The following RP1 variants were observed in gnomAD, a reference collection of about 807,000 sequenced individuals.
RP1 encodes the protein RP1 axonemal microtubule associated, also known as oxygen-regulated protein 1.
A neutral mutation model predicts 14.8 loss-of-function variants in RP1; 16 were observed. The ratio of observed to expected loss-of-function variants is 1.08; its 90% CI spans 0.73 to 1.65. RP1 has a LOEUF of 1.65. RP1 is among the 40% of genes most tolerant of loss of function. The pLI, the probability that RP1 is intolerant of heterozygous loss-of-function variation, is 0.00. For synonymous variants in RP1, 876 were observed against 883.6 expected, an observed-to-expected ratio of 0.99 and a Z score of 0.15; for missense variants, 2,631 against 2,535.0, an observed-to-expected ratio of 1.04 and a Z score of -0.81.
rs112901902 is a variant in RP1 at position 54,777,525 on chromosome 8, G to A, written c.3452-6022G>A. Among the ~76,000 whole-genome samples the A allele has an allele frequency of 8.5e-5, 13 of 152,058 alleles. No homozygotes were observed. In the South Asian group the frequency reaches 1.0e-3, roughly 12 times the overall value. On this transcript the variant is annotated intron_variant, in intron 23 of 28. Coordinates refer to the RP1 transcript ENST00000637698. ...TAGGAAGCATAACTGTTTCTAATTC[G>A]GTGTCAAATTTATCCCAACTCCTGT... is the stretch of plus-strand genomic sequence containing the variant.
At chr8:54,813,798 G>C (rs1417999856) in intron 24 of RP1, among the ~76,000 whole-genome samples, 4 of 152,170 alleles carry the variant, frequency 2.6e-5, no homozygotes, top group African/African-American at 9.7e-5. Context: ...AATTATGTTT[G>C]CTGTTTCTAT....
chr8:54,858,490 C>T (rs1048981548), intron 27 of RP1, among the ~76,000 whole-genome samples: 1 of 152,120 alleles, frequency 6.6e-6, no homozygotes, highest in African/African-American at 2.4e-5. Context: ...AGTGATGTTA[C>T]TGCAGAGTGA....
intron 24 of RP1, among the ~76,000 whole-genome samples, chr8:54,811,460 A>C (rs1810992240): frequency 6.6e-6 from 1 of 152,210 alleles, no homozygotes; most frequent in Admixed American, 6.5e-5. Flanking sequence ...AACATTTTCT[A>C]TACCTGCACA....
intron 4 of RP1, among the ~76,000 whole-genome samples, chr8:54,650,660 C>T (rs1454776150): frequency 6.9e-6 from 1 of 145,724 alleles, no homozygotes; most frequent in African/African-American, 2.5e-5. Context: ...TTTCCCTTCC[C>T]CTCCCCCGTC....
intron 23 of RP1, among the ~76,000 whole-genome samples, chr8:54,776,974 C>T (rs1266417236): frequency 6.6e-6 from 1 of 152,170 alleles, no homozygotes; most frequent in Non-Finnish European, 1.5e-5. Context: ...TGCTGCTGCT[C>T]AGCGGCTGCT....
chr8:54,716,741 G>A (rs973133217), intron 15 of RP1, among the ~76,000 whole-genome samples: 8 of 152,144 alleles, frequency 5.3e-5, no homozygotes, highest in Admixed American at 5.2e-4. Flanking sequence ...CATGTGAGCT[G>A]CGGAGAAGCT....
At chr8:54,662,732 G>A (rs1806929358) in intron 6 of RP1, among the ~76,000 whole-genome samples, 1 of 152,142 alleles carries the variant, frequency 6.6e-6, no homozygotes, top group East Asian at 1.9e-4. Flanking sequence ...GGGGACTGCG[G>A]AGGAGGAAAA....
downstream of RP1, among the ~76,000 whole-genome samples, chr8:54,774,626 C>G (rs533858713): frequency 8.5e-4 from 129 of 152,232 alleles, no homozygotes; most frequent in African/African-American, 3.0e-3. Context: ...TTCATTTGCT[C>G]CCAAATTAAA....
At chr8:54,823,201 C>G (rs1811302203) in intron 24 of RP1, among the ~76,000 whole-genome samples, 1 of 152,184 alleles carries the variant, frequency 6.6e-6, no homozygotes, top group Non-Finnish European at 1.5e-5. Context: ...AGTCACAGCT[C>G]CCCCACCTCC....
chr8:54,632,104 A>G (rs1806258192), downstream of RP1, among the ~76,000 whole-genome samples: 1 of 152,142 alleles, frequency 6.6e-6, no homozygotes, highest in Non-Finnish European at 1.5e-5. Context: ...GGCCTCCCAA[A>G]GTGCTGGGAT....
At position 54,621,006 on chromosome 8, in the gene RP1, C is replaced by G. The variant is rs1342130209; in HGVS notation, c.40C>G (p.Pro14Ala). ...TPSTGFSIIH[P>A]TSSEGQVPPP... Reference sequence around the variant, plus strand: ...TTCTACTGGTTTTTCCATCATTCATCCTACGTCTTCTGAAGGTCAAGTTCC... The same window carrying G: ...TTCTACTGGTTTTTCCATCATTCATGCTACGTCTTCTGAAGGTCAAGTTCC... Residue 14 changes from proline (P) to alanine (A), a missense_variant, in exon 2 of 4, where the codon CCT (proline) becomes GCT (alanine). By Grantham distance (27) the Pro-to-Ala change is conservative. Coordinates refer to ENST00000220676, the MANE Select transcript of RP1 (RefSeq NM_006269.2). The G allele has an allele frequency of 1.9e-5, 31 of 1,614,048 alleles. No individual in the cohort carries two copies. Among genetic ancestry groups the G allele is most frequent in the Non-Finnish European group, 2.5e-5 (29 of 1,180,040 alleles).
intron 15 of RP1, among the ~76,000 whole-genome samples, chr8:54,707,023 A>G (rs1563353795): frequency 6.6e-6 from 1 of 152,232 alleles, no homozygotes; most frequent in Non-Finnish European, 1.5e-5. Flanking sequence ...GGTTCTAGAA[A>G]GGCCAGCTCA....
intron 24 of RP1, among the ~76,000 whole-genome samples, chr8:54,793,150 C>T (rs1810506143): frequency 1.3e-5 from 2 of 151,652 alleles, no homozygotes; most frequent in African/African-American, 4.8e-5. Flanking sequence ...AAATAGAAAG[C>T]CTGAATACAC....
At chr8:54,695,043 G>A (rs971716785) in intron 12 of RP1, among the ~76,000 whole-genome samples, 2 of 152,098 alleles carry the variant, frequency 1.3e-5, no homozygotes, top group Non-Finnish European at 2.9e-5. Context: ...TGGTTTCAAA[G>A]AACATGTTTA....
chr8:54,749,140 C>T (rs1563365230), intron 19 of RP1, among the ~76,000 whole-genome samples: 1 of 151,986 alleles, frequency 6.6e-6, no homozygotes, highest in Non-Finnish European at 1.5e-5. Context: ...ACCATCCTGG[C>T]TAACATGGTG....
chr8:54,727,519 T>A (rs909741853), intron 17 of RP1, among the ~76,000 whole-genome samples: 5 of 152,114 alleles, frequency 3.3e-5, no homozygotes, highest in Non-Finnish European at 5.9e-5. Context: ...AAACCTTCTA[T>A]ATGTCTTATG....
intron 1 of RP1, among the ~76,000 whole-genome samples, chr8:54,582,906 G>C (rs1470919503): frequency 2.6e-5 from 4 of 152,154 alleles, no homozygotes; most frequent in East Asian, 3.9e-4. Flanking sequence ...GGGGCTGAGA[G>C]GATGGGGTTT....
chr8:54,739,054 T>C, intron 19 of RP1: 1 of 1,462,966 alleles, frequency 6.8e-7, no homozygotes. Flanking sequence ...TATTTTTTTC[T>C]TCATAGTTAT....
intron 3 of RP1, among the ~76,000 whole-genome samples, chr8:54,646,196 A>T (rs1388597629): frequency 6.6e-6 from 1 of 152,050 alleles, no homozygotes; most frequent in Non-Finnish European, 1.5e-5. Context: ...ACTTTAAAAG[A>T]TTATGGCATA....
Sources: gnomAD v4.1 joint callset for allele counts (sites outside exome capture counted in the v4.1 genomes callset) on GRCh38, gnomAD v4.1.1 for gene constraint, MANE v1.5 for transcripts, NCBI Gene and HGNC (gene_info 2026-07-23, HGNC 2026-07-21) for gene names.